BBS5: variants seen among roughly 807,000 people sequenced by gnomAD.
BBS5 encodes Bardet-Biedl syndrome 5, also known as BBSome complex member BBS5.
In BBS5, 39 loss-of-function variants were observed where a neutral mutation model predicts 50.2. The ratio of observed to expected loss-of-function variants is 0.78; its 90% CI spans 0.60 to 1.01. The LOEUF (loss-of-function observed/expected upper bound fraction) is 1.01, where lower values mean the gene tolerates loss of function less well. Ranked by LOEUF, BBS5 falls within the 50% of genes least tolerant of loss-of-function variation. The pLI, the probability that BBS5 is intolerant of heterozygous loss-of-function variation, is 0.00. For synonymous variants in BBS5, 134 were observed against 133.1 expected (o/e 1.01, Z -0.05); for missense variants, 356 against 401.5 (o/e 0.89, Z 0.97).
chr2:169,490,490 A>G (rs969279170), intron 5 of BBS5, among the ~76,000 whole-genome samples: 1 of 152,192 alleles, frequency 6.6e-6, no homozygotes, highest in Admixed American at 6.5e-5. Context: ...TGCTGGGATT[A>G]CAGGCGTGAG....
At position 169,505,146 on chromosome 2, in the gene BBS5, G is replaced by A. The variant is rs1683883787; in HGVS notation, c.*564G>A. ...GTTTTCGTATTTTTTTGGTGGAGAC[G>A]GGGTTTCGCTGTGTTGGCCGGGCTG... is the stretch of plus-strand genomic sequence containing the variant. On this transcript the variant is annotated 3_prime_UTR_variant, in exon 12 of 12. Coordinates refer to ENST00000295240, the MANE Select transcript of BBS5 (RefSeq NM_152384.3). 3.2e-5 allele frequency: 22 copies of A among 689,490 alleles called. 1 individual carries two copies. The Admixed American group carries it at 3.7e-4, about 12-fold the overall frequency. The allele number at this position is 689,490 out of a possible 1,614,324, so 42.7% of individuals were successfully genotyped here.
Position 169,480,670 on chromosome 2 carries a change from C to CTTTTTTT in BBS5, c.59+1080_59+1086dup, listed in dbSNP as rs577688589. ...ACTTTCTATGACATTTTCTGTCATT[C>CTTTTTTT]TTTTTTTTTTTTTTTTTTTTTTTTT... On this transcript the variant is annotated intron_variant, in intron 1 of 11. Transcript: ENST00000295240. 3.1e-3 allele frequency among the ~76,000 whole-genome samples: 227 copies of CTTTTTTT among 73,202 alleles called. 14 individuals are homozygous for CTTTTTTT. The highest frequency in any genetic ancestry group is 3.7e-3 in the Admixed American group (17 of 4,602). 48.0% of individuals were successfully genotyped at this position (73,202 alleles called of 152,430 possible).
At chr2:169,498,385 C>T (rs1683732933) in intron 8 of BBS5, among the ~76,000 whole-genome samples, 1 of 152,202 alleles carries the variant, frequency 6.6e-6, no homozygotes, top group African/African-American at 2.4e-5. Flanking sequence ...TGTCTGCTTA[C>T]TCCTTTCTCC....
Position 169,479,534 on chromosome 2 carries a change from T to G in BBS5, c.-20T>G, listed in dbSNP as rs773930880. The G allele has an allele frequency of 6.2e-7, 1 of 1,614,098 alleles. No homozygotes were observed. The highest frequency in any genetic ancestry group is 2.2e-5 in the East Asian group (1 of 44,860). On this transcript the variant is annotated 5_prime_UTR_variant, in exon 1 of 12. Coordinates refer to ENST00000295240, the MANE Select transcript of BBS5 (RefSeq NM_152384.3). ...GGCCTGCACGGCTGTGGAGAGATCCTGCCACGGGCCTTGTTCACCATGTCG... is the reference window on the plus strand; with the variant it reads ...GGCCTGCACGGCTGTGGAGAGATCCGGCCACGGGCCTTGTTCACCATGTCG...
rs530487302 is a variant in BBS5, at chr2:169,505,208, C to G, written c.*626C>G. On this transcript the variant is annotated 3_prime_UTR_variant, in exon 12 of 12. Coordinates refer to ENST00000295240, the MANE Select transcript of BBS5 (RefSeq NM_152384.3). ...CTAACCGCGAGTGATCCGCCAGCCT[C>G]GGCCTCCCGAGGTGCCGGGATTGCA... is the stretch of plus-strand genomic sequence containing the variant. 500 of 521,026 alleles carry G rather than the reference C, an allele frequency of 9.6e-4. 2 individuals carry two copies. The highest frequency in any genetic ancestry group is 1.4e-3 in the Non-Finnish European group (408 of 284,424). The allele number at this position is 521,026 out of a possible 1,614,324, so 32.3% of individuals were successfully genotyped here.
chr2:169,479,543 C>G lies in BBS5; in HGVS notation c.-11C>G, dbSNP rs955710955. On this transcript the variant is annotated 5_prime_UTR_variant, in exon 1 of 12. Transcript: ENST00000295240. ...GGCTGTGGAGAGATCCTGCCACGGGCCTTGTTCACCATGTCGGTGCTGGAT... is the reference window on the plus strand; with the variant it reads ...GGCTGTGGAGAGATCCTGCCACGGGGCTTGTTCACCATGTCGGTGCTGGAT... 2 of 1,614,144 alleles carry G rather than the reference C, an allele frequency of 1.2e-6. No individual in the cohort carries two copies. The highest frequency in any genetic ancestry group is 4.5e-5 in the East Asian group (2 of 44,862).
chr2:169,484,959 T>TG lies in BBS5; in HGVS notation c.143-2106dup, dbSNP rs1574335777. ...GAACACTGGGTTTGGAGCCATAGGC[T>TG]GGGGTTCTTCAGCAGAAAAGAGGTA... On this transcript the variant is annotated intron_variant, in intron 2 of 11. Coordinates refer to ENST00000295240, the MANE Select transcript of BBS5 (RefSeq NM_152384.3). 4.0e-5 allele frequency among the ~76,000 whole-genome samples: 6 copies of TG among 148,244 alleles called. No individual in the cohort carries two copies. In the East Asian group the frequency reaches 1.2e-3, roughly 29 times the overall value.
chr2:169,479,645 C>T, intron 1 of BBS5, 33 bp downstream of exon 1: 1 of 1,612,562 alleles, frequency 6.2e-7, no homozygotes, highest in Non-Finnish European at 8.5e-7. Context: ...GGATCTTCAA[C>T]CCTGTAGAGG....
intron 1 of BBS5, among the ~76,000 whole-genome samples, chr2:169,480,173 A>C (rs1683364435): frequency 6.6e-6 from 1 of 152,196 alleles, no homozygotes; most frequent in Non-Finnish European, 1.5e-5. Flanking sequence ...GCTTTCATCT[A>C]GTTATTCATA....
chr2:169,498,821 A>AAAAG (rs916627318), intron 8 of BBS5, among the ~76,000 whole-genome samples: 3 of 151,414 alleles, frequency 2.0e-5, no homozygotes, highest in Non-Finnish European at 2.9e-5. Context: ...AAAAAAAAAA[A>AAAAG]AAAGAAAGGA....
rs939126397 is a variant in BBS5, at chr2:169,497,645, G to T, written c.637G>T (p.Asp213Tyr). Reference sequence around the variant, plus strand: ...TATCTAGCGTTCAATAAAGATTAGAGATTCAAAATTTGGTTTAGCTCTTGT... The same window carrying T: ...TATCTAGCGTTCAATAAAGATTAGATATTCAAAATTTGGTTTAGCTCTTGT... ...YLQIRSIKIR[D>Y]SKFGLALVIE... is the part of the protein sequence containing the mutation. The change falls in exon 8 of 12, where the codon GAT (aspartate) becomes TAT (tyrosine). Residue 213 changes from aspartate to tyrosine, a missense_variant. Coordinates refer to ENST00000295240, the MANE Select transcript of BBS5 (RefSeq NM_152384.3). The T allele has an allele frequency of 7.5e-6, 12 of 1,597,044 alleles. No homozygotes were observed. Among genetic ancestry groups the T allele is most frequent in the South Asian group, 1.1e-5 (1 of 90,482 alleles).
intron 6 of BBS5, 35 bp from the exon 7 acceptor site, chr2:169,493,703 AAAT>A (rs746431180): frequency 1.4e-6 from 2 of 1,402,376 alleles, no homozygotes; most frequent in African/African-American, 2.8e-5. Flanking sequence ...GGTACCAAAA[AAAT>A]GATCATTTCG....
chr2:169,486,700 A>C (rs1289996439), intron 2 of BBS5, among the ~76,000 whole-genome samples: 1 of 152,194 alleles, frequency 6.6e-6, no homozygotes, highest in Non-Finnish European at 1.5e-5. Flanking sequence ...TTCAGTGAAT[A>C]GCTGTGTAAT....
Position 169,504,775 on chromosome 2 carries a change from C to A in BBS5, c.*193C>A, listed in dbSNP as rs1179266764. On this transcript the variant is annotated 3_prime_UTR_variant, in exon 12 of 12. Coordinates refer to ENST00000295240, the MANE Select transcript of BBS5 (RefSeq NM_152384.3). ...TCGGCCAGCGCGTCGAGGGAGGGGC[C>A]AGCGACACATGGCCTAGTAACCGTC... The A allele has an allele frequency of 4.9e-6, 7 of 1,429,690 alleles. No individual in the cohort carries two copies. The Admixed American group carries it at 1.5e-4, about 30-fold the overall frequency. The allele number at this position is 1,429,690 out of a possible 1,614,324, so 88.6% of individuals were successfully genotyped here. A position where few individuals can be genotyped will look rare whatever the true frequency, so the allele number is the denominator to read the frequency against.
intron 1 of BBS5, among the ~76,000 whole-genome samples, 191 bp downstream of exon 1, chr2:169,479,803 C>T (rs932811423): frequency 8.5e-5 from 13 of 152,240 alleles, no homozygotes; most frequent in Non-Finnish European, 1.8e-4. Context: ...GAGGCCGGCG[C>T]CGCGGCAAGA....
intron 5 of BBS5, among the ~76,000 whole-genome samples, chr2:169,492,325 A>G (rs543936938): frequency 1.4e-4 from 21 of 151,706 alleles, no homozygotes; most frequent in Non-Finnish European, 2.4e-4. Flanking sequence ...CCCTGTCTCT[A>G]CTAAAAATAC....
chr2:169,495,106 C>T (rs981545490), intron 7 of BBS5, among the ~76,000 whole-genome samples: 3 of 152,148 alleles, frequency 2.0e-5, no homozygotes, highest in African/African-American at 7.2e-5. Context: ...TATACAGTTC[C>T]TGCCATCAAG....
In BBS5 at chr2:169,492,968, T is replaced by C; in HGVS notation, c.481T>C (p.Tyr161His). The C allele has an allele frequency of 6.2e-7, 1 of 1,613,728 alleles. No homozygotes were observed. The highest frequency in any genetic ancestry group is 8.5e-7 in the Non-Finnish European group (1 of 1,179,786). Residue 161 changes from tyrosine to histidine, a missense_variant, in exon 6 of 12, where the codon TAT becomes CAT. Coordinates refer to ENST00000295240, the MANE Select transcript of BBS5 (RefSeq NM_152384.3). ...QLRLLPQEHV[Y>H]DKINGVWNLS... ...AAGACTGTTGCCACAAGAACATGTATATGATAAAATAAATGGAGTTTGGAA... is the reference window on the plus strand; with the variant it reads ...AAGACTGTTGCCACAAGAACATGTACATGATAAAATAAATGGAGTTTGGAA...
In BBS5 at chr2:169,506,216, G is replaced by A. The variant is rs1337469843; in HGVS notation, c.*1634G>A. 1.8e-4 allele frequency: 28 copies of A among 156,788 alleles called. No individual in the cohort carries two copies. The highest frequency in any genetic ancestry group is 3.5e-4 in the Non-Finnish European group (25 of 72,262). 9.7% of individuals were successfully genotyped at this position (156,788 alleles called of 1,614,324 possible). Reference sequence around the variant, plus strand: ...CCCCGCCCGGCCAGCCGCCCCGTCCGGGAGGTTAGGGGCGCCTCTGCCCGG... The same window carrying A: ...CCCCGCCCGGCCAGCCGCCCCGTCCAGGAGGTTAGGGGCGCCTCTGCCCGG... On this transcript the variant is annotated 3_prime_UTR_variant, in exon 12 of 12. Transcript: ENST00000295240.
Sources: allele counts gnomAD v4.1 joint callset (sites outside exome capture counted in the v4.1 genomes callset), GRCh38; gene constraint gnomAD v4.1.1; transcripts MANE v1.5; gene names NCBI Gene and HGNC (gene_info 2026-07-23, HGNC 2026-07-21).